NKIRAS1: variants seen among roughly 807,000 people sequenced by gnomAD.
The protein encoded by NKIRAS1 is NFKB inhibitor interacting Ras like 1, also known as NF-kappa-B inhibitor-interacting Ras-like protein 1.
In NKIRAS1, 16 loss-of-function variants were observed where a neutral mutation model predicts 19.8. The observed-to-expected ratio is 0.81, with a 90% CI of 0.55 to 1.23. The LOEUF (loss-of-function observed/expected upper bound fraction) is 1.23. NKIRAS1 is among the 50% of genes most tolerant of loss of function. NKIRAS1 has a pLI of 0.00. For synonymous variants in NKIRAS1, 88 were observed against 79.0 expected, an observed-to-expected ratio of 1.11 and a Z score of -0.61; for missense variants, 184 against 220.0, an observed-to-expected ratio of 0.84 and a Z score of 1.04.
chr3:23,928,905 G>A (rs1705257727), intron 1 of NKIRAS1, among the ~76,000 whole-genome samples: 1 of 151,590 alleles, frequency 6.6e-6, no homozygotes, highest in South Asian at 2.1e-4. Flanking sequence ...GCTGAAGCAG[G>A]AGAATTGCTA....
chr3:23,920,672 T>C, upstream of NKIRAS1: 1 of 985,322 alleles, frequency 1.0e-6, no homozygotes, highest in Non-Finnish European at 1.2e-6. Context: ...TCCTATCTTC[T>C]CTAGGGGTTT....
At chr3:23,934,703 C>T (rs1705364376) in intron 1 of NKIRAS1, among the ~76,000 whole-genome samples, 1 of 152,100 alleles carries the variant, frequency 6.6e-6, no homozygotes, top group Non-Finnish European at 1.5e-5. Flanking sequence ...CCTACAAGGT[C>T]CAACTCTGCA....
At chr3:23,902,522 T>A (rs537557603) in intron 3 of NKIRAS1, among the ~76,000 whole-genome samples, 4 of 152,306 alleles carry the variant, frequency 2.6e-5, no homozygotes, top group Non-Finnish European at 5.9e-5. Context: ...TGGGCTTTGA[T>A]TACAAATTAA....
rs959633868 is a variant in NKIRAS1 at position 23,927,376 on chromosome 3, G to GA, written c.-139-15927dup. Reference sequence around the variant, plus strand: ...TCTCTATATTTCTTAGTTGAGGAAAGAAAAAAAAACCTACTGCGAAGGTGC... The same window carrying GA: ...TCTCTATATTTCTTAGTTGAGGAAAGAAAAAAAAAACCTACTGCGAAGGTGC... On this transcript the variant is annotated intron_variant, in intron 1 of 4. Coordinates refer to the NKIRAS1 transcript ENST00000421515. The surrounding 1 kb of genome is among the most constrained non-coding windows in gnomAD (Gnocchi z 4.0). Among the ~76,000 whole-genome samples the GA allele has an allele frequency of 1.5e-4, 22 of 150,610 alleles. No individual in the cohort carries two copies. Among genetic ancestry groups the GA allele is most frequent in the African/African-American group, 4.6e-4 (19 of 40,998 alleles).
chr3:23,893,272 C>G lies in NKIRAS1; in HGVS notation c.402G>C (p.Val134=). The G allele has an allele frequency of 6.2e-7, 1 of 1,614,084 alleles. No individual in the cohort carries two copies. The highest frequency in any genetic ancestry group is 1.1e-5 in the South Asian group (1 of 91,080). Residue 134 remains valine (V), a synonymous_variant, in exon 5 of 5, where the codon GTG becomes GTC. Coordinates refer to ENST00000425478, the MANE Select transcript of NKIRAS1 (RefSeq NM_020345.4). ...TCTCACTTTTTGCCCACTGCTGTGC[C>G]ACTTCAGCGTCCACTTGTCTCTGCT... is the stretch of plus-strand genomic sequence containing the variant. The part of the protein sequence containing the change: ...LSEQRQVDAE[V]AQQWAKSEKV...
rs1448432190 is a variant in NKIRAS1, at chr3:23,927,398, G to T, written c.-139-15948C>A. On this transcript the variant is annotated intron_variant, in intron 1 of 4. Transcript: ENST00000421515. The surrounding 1 kb of genome is among the most constrained non-coding windows in gnomAD (Gnocchi z 4.0). ...AAAGAAAAAAAAACCTACTGCGAAG[G>T]TGCTATAGTTGGCTTGTGACATTAA... Among the ~76,000 whole-genome samples the T allele has an allele frequency of 1.3e-5, 2 of 152,132 alleles. No homozygotes were observed. Among genetic ancestry groups the T allele is most frequent in the African/African-American group, 4.8e-5 (2 of 41,422 alleles).
intron 4 of NKIRAS1, among the ~76,000 whole-genome samples, chr3:23,900,161 C>CA (rs1175191638): frequency 4.3e-4 from 64 of 149,632 alleles, no homozygotes; most frequent in African/African-American, 6.2e-4. Flanking sequence ...GACTCAGTCT[C>CA]AAAAAAAACA....
intron 4 of NKIRAS1, among the ~76,000 whole-genome samples, chr3:23,895,430 G>A (rs181607089): frequency 8.5e-5 from 13 of 152,170 alleles, no homozygotes; most frequent in Admixed American, 6.5e-4. Context: ...CCACAAGGAC[G>A]TACAACCTAC....
At chr3:23,943,014 C>A (rs1424536952) in intron 1 of NKIRAS1, among the ~76,000 whole-genome samples, 1 of 152,210 alleles carries the variant, frequency 6.6e-6, no homozygotes, top group Non-Finnish European at 1.5e-5. Context: ...ATCAGTCTCC[C>A]AAAGTGCTGG....
intron 4 of NKIRAS1, among the ~76,000 whole-genome samples, chr3:23,896,813 TA>T (rs78648312): frequency 4.0e-3 from 555 of 137,074 alleles, no homozygotes; most frequent in Non-Finnish European, 4.0e-3. Context: ...TCTCTACAAT[TA>T]AAAAAAAAAA....
chr3:23,900,627 G>A (rs1702428889), intron 4 of NKIRAS1, among the ~76,000 whole-genome samples, 181 bp downstream of exon 4: 2 of 137,076 alleles, frequency 1.5e-5, no homozygotes, highest in African/African-American at 5.6e-5. Flanking sequence ...GGGAGACAGA[G>A]CGAGACTCCG....
chr3:23,890,430 T>G lies in NKIRAS1; in HGVS notation c.*2665A>C. ...TCACACATACTTTGTCGTACGTATC[T>G]ACCCAAGCTGTCACTATTCGCTAAA... On this transcript the variant is annotated 3_prime_UTR_variant, in exon 5 of 5. Coordinates refer to ENST00000425478, the MANE Select transcript of NKIRAS1 (RefSeq NM_020345.4). 1 of 1,378,234 alleles carries G rather than the reference T, an allele frequency of 7.3e-7. No homozygotes were observed. Among genetic ancestry groups the G allele is most frequent in the South Asian group, 1.3e-5 (1 of 75,096 alleles). The allele number at this position is 1,378,234 out of a possible 1,614,324, so 85.4% of individuals were successfully genotyped here.
intron 3 of NKIRAS1, among the ~76,000 whole-genome samples, chr3:23,902,146 T>A (rs1437442848): frequency 6.6e-6 from 1 of 152,066 alleles, no homozygotes; most frequent in Non-Finnish European, 1.5e-5. Context: ...ATGGATAACA[T>A]CCTATACCCC....
rs371922471 is a variant in NKIRAS1, at chr3:23,890,490, C to T, written c.*2605G>A. ...GTTCTTTTCCTTTCTCCAAAGTAAT[C>T]TACATTCTTTTCTTCCAGCCGACCC... On this transcript the variant is annotated 3_prime_UTR_variant, in exon 5 of 5. Transcript: ENST00000425478. 16 of 1,605,350 alleles carry T rather than the reference C, an allele frequency of 1.0e-5. No homozygotes were observed. In the African/African-American group the frequency reaches 1.7e-4, roughly 18 times the overall value.
intron 1 of NKIRAS1, among the ~76,000 whole-genome samples, chr3:23,913,076 CA>C (rs1483938430): frequency 7.0e-6 from 1 of 141,926 alleles, no homozygotes; most frequent in Non-Finnish European, 1.5e-5. Flanking sequence ...TAATACACTA[CA>C]AATGTACTTT....
At chr3:23,906,462 AAC>A (rs952835704) in intron 3 of NKIRAS1, among the ~76,000 whole-genome samples, 2 of 152,150 alleles carry the variant, frequency 1.3e-5, no homozygotes, top group Non-Finnish European at 2.9e-5. Flanking sequence ...ACCCTTAAAC[AAC>A]ACAGATTTGA....
intron 1 of NKIRAS1, among the ~76,000 whole-genome samples, chr3:23,938,058 G>A (rs944562374): frequency 6.6e-6 from 1 of 152,050 alleles, no homozygotes; most frequent in Non-Finnish European, 1.5e-5. Flanking sequence ...AAATAGAGTG[G>A]AACCATTATG....
At chr3:23,898,759 A>T (rs564659391) in intron 4 of NKIRAS1, among the ~76,000 whole-genome samples, 5 of 152,126 alleles carry the variant, frequency 3.3e-5, no homozygotes, top group African/African-American at 1.2e-4. Context: ...GATTTCTTTT[A>T]TATCAGGGGT....
intron 1 of NKIRAS1, among the ~76,000 whole-genome samples, chr3:23,924,667 G>T (rs548078941): frequency 5.9e-5 from 9 of 152,130 alleles, no homozygotes; most frequent in African/African-American, 9.7e-5. Flanking sequence ...CTCCCAAAGT[G>T]CTGGGATTAC....
Sources: allele counts gnomAD v4.1 joint callset (sites outside exome capture counted in the v4.1 genomes callset), GRCh38; gene constraint gnomAD v4.1.1; non-coding constraint Gnocchi (gnomAD v3.1); transcripts MANE v1.5; gene names NCBI Gene and HGNC (gene_info 2026-07-23, HGNC 2026-07-21).